The following TWIST2 variants were observed in gnomAD, a reference collection of about 807,000 sequenced individuals.
The protein encoded by TWIST2 is twist-related protein 2.
TWIST2 carries 1 observed loss-of-function variant against 11.6 expected under a neutral mutation model. That is an observed-to-expected ratio of 0.09 (90% CI 0.03 to 0.41). TWIST2 has a LOEUF of 0.41. Among genes scored for constraint, TWIST2 ranks in the 10% least tolerant of loss-of-function variants. TWIST2 has a pLI of 0.98. For missense variants in TWIST2, 168 were observed against 226.4 expected (o/e 0.74, Z 1.66); for synonymous variants, 87 against 96.6 (o/e 0.90, Z 0.58).
chr2:238,867,312 A>G lies in TWIST2; in HGVS notation c.*35+18579A>G, dbSNP rs1037972719. Among the ~76,000 whole-genome samples, 7 of 151,076 alleles carry G rather than the reference A, an allele frequency of 4.6e-5. No homozygotes were observed. The highest frequency in any genetic ancestry group is 4.6e-4 in the Admixed American group (7 of 15,140). On this transcript the variant is annotated intron_variant, in intron 1 of 1. Transcript: ENST00000612363. The surrounding 1 kb of genome is among the most constrained non-coding windows in gnomAD (Gnocchi z 4.8). ...CTAGCCTGGAGACATCTTGGGGGAA[A>G]GTGATTCATCTGATCTGGGATGGAA...
chr2:238,848,566 C>T lies in TWIST2; in HGVS notation c.351C>T (p.Leu117=). 1 of 1,584,672 alleles carries T rather than the reference C, an allele frequency of 6.3e-7. No homozygotes were observed. The highest frequency in any genetic ancestry group is 8.6e-7 in the Non-Finnish European group (1 of 1,168,428). ...TGGCCGCCAGGTACATAGACTTCCTCTACCAGGTCCTGCAGAGCGACGAGA... is the reference window on the plus strand; with the variant it reads ...TGGCCGCCAGGTACATAGACTTCCTTTACCAGGTCCTGCAGAGCGACGAGA... The part of the protein sequence containing the change: ...LKLAARYIDF[L]YQVLQSDEMD... The change falls in exon 1 of 2, where the codon CTC becomes CTT. Residue 117 remains leucine, a synonymous_variant. Transcript: ENST00000612363.
chr2:238,894,588 C>A (rs1213501834), intron 1 of TWIST2, among the ~76,000 whole-genome samples: 1 of 152,222 alleles, frequency 6.6e-6, no homozygotes. Context: ...GTCTGTGGCC[C>A]CCCAAACCTT....
intron 1 of TWIST2, among the ~76,000 whole-genome samples, chr2:238,886,270 C>A (rs969720065): frequency 6.6e-6 from 1 of 152,118 alleles, no homozygotes; most frequent in African/African-American, 2.4e-5. Flanking sequence ...GCACCAAAAA[C>A]CCCAGGGCAG....
At chr2:238,869,892 G>A (rs1345934804) in intron 1 of TWIST2, among the ~76,000 whole-genome samples, 4 of 152,144 alleles carry the variant, frequency 2.6e-5, no homozygotes, top group African/African-American at 2.4e-5. Context: ...AGGTTACAGT[G>A]AGCTATGCAC....
intron 1 of TWIST2, among the ~76,000 whole-genome samples, chr2:238,908,518 C>T (rs939026515): frequency 1.3e-5 from 2 of 152,130 alleles, no homozygotes; most frequent in East Asian, 1.9e-4. Flanking sequence ...CCACACACAC[C>T]CACACGAGTG....
chr2:238,884,392 C>T (rs1692994093), intron 1 of TWIST2, among the ~76,000 whole-genome samples: 1 of 152,248 alleles, frequency 6.6e-6, no homozygotes, highest in African/African-American at 2.4e-5. Context: ...AGGGCCGCTT[C>T]CCATGCGAGT....
At chr2:238,905,486 C>T (rs940871893) in intron 1 of TWIST2, among the ~76,000 whole-genome samples, 14 of 152,168 alleles carry the variant, frequency 9.2e-5, no homozygotes, top group African/African-American at 9.7e-5. Context: ...CGGAGGCTCT[C>T]GGTCAAGAAG....
chr2:238,855,593 T>C (rs1264564824), intron 1 of TWIST2, among the ~76,000 whole-genome samples: 1 of 152,210 alleles, frequency 6.6e-6, no homozygotes, highest in Non-Finnish European at 1.5e-5. Context: ...AGCAAGTGTT[T>C]CCTACCGCTT....
chr2:238,856,477 G>A (rs994139319), intron 1 of TWIST2, among the ~76,000 whole-genome samples: 11 of 151,968 alleles, frequency 7.2e-5, no homozygotes, highest in East Asian at 3.9e-4. Context: ...TTCCATGTGC[G>A]TCCCCAGCAA....
intron 1 of TWIST2, among the ~76,000 whole-genome samples, chr2:238,885,298 C>T (rs561675117): frequency 1.3e-5 from 2 of 152,348 alleles, no homozygotes; most frequent in African/African-American, 4.8e-5. Context: ...CCACACAGTA[C>T]CTGGCCAAAG....
rs961306626 is a variant in TWIST2, at chr2:238,848,797, C to T, written c.*35+64C>T. 4.6e-5 allele frequency: 57 copies of T among 1,237,958 alleles called. No homozygotes were observed. The Admixed American group carries it at 2.3e-3, about 49-fold the overall frequency. The allele number at this position is 1,237,958 out of a possible 1,614,324, so 76.7% of individuals were successfully genotyped here. A position where few individuals can be genotyped will look rare whatever the true frequency, so the allele number is the denominator to read the frequency against. ...GGGGCGGGCGGCAGGGGCGCAGGGGCATTGGGGCCTGCTCGTGTCTCCTCG... is the reference window on the plus strand; with the variant it reads ...GGGGCGGGCGGCAGGGGCGCAGGGGTATTGGGGCCTGCTCGTGTCTCCTCG... On this transcript the variant is annotated intron_variant, in intron 1 of 1. Coordinates refer to ENST00000612363, the MANE Select transcript of TWIST2 (RefSeq NM_001271893.4).
intron 1 of TWIST2, among the ~76,000 whole-genome samples, chr2:238,885,092 A>G (rs982124170): frequency 6.6e-6 from 1 of 152,206 alleles, no homozygotes; most frequent in African/African-American, 2.4e-5. Context: ...CATGCCTCTC[A>G]GCCCTCAGTG....
In TWIST2 at chr2:238,895,022, G is replaced by A. The variant is rs1056557007; in HGVS notation, c.*36-14820G>A. 3.7e-4 allele frequency among the ~76,000 whole-genome samples: 57 copies of A among 152,280 alleles called. No homozygotes were observed. The East Asian group carries it at 8.5e-3, about 23-fold the overall frequency. On this transcript the variant is annotated intron_variant, in intron 1 of 1. Coordinates refer to ENST00000612363, the MANE Select transcript of TWIST2 (RefSeq NM_001271893.4). ...TGTCTCCCCATATGAACTGTGAGCT[G>A]GCTGAGGCACGTGCCTGCGTCAGGC...
chr2:238,907,321 T>C (rs1693369197), intron 1 of TWIST2, among the ~76,000 whole-genome samples: 1 of 152,166 alleles, frequency 6.6e-6, no homozygotes, highest in African/African-American at 2.4e-5. Context: ...CGGCCACCTC[T>C]CAGCACCTTC....
intron 1 of TWIST2, among the ~76,000 whole-genome samples, chr2:238,900,444 C>T (rs1406597142): frequency 6.6e-6 from 1 of 152,218 alleles, no homozygotes; most frequent in Non-Finnish European, 1.5e-5. Flanking sequence ...TTTCCTTCTC[C>T]CCAACATTCT....
chr2:238,857,000 G>T (rs1169026142), intron 1 of TWIST2, among the ~76,000 whole-genome samples: 1 of 152,188 alleles, frequency 6.6e-6, no homozygotes, highest in African/African-American at 2.4e-5. Context: ...TGAGGGGCCT[G>T]TGACAATCGC....
At chr2:238,909,468 C>T (rs1437861872) in intron 1 of TWIST2, among the ~76,000 whole-genome samples, 4 of 152,174 alleles carry the variant, frequency 2.6e-5, no homozygotes, top group Non-Finnish European at 5.9e-5. Flanking sequence ...TGCCGAGCCT[C>T]TCTTGTCCCC....
At chr2:238,903,322 T>C (rs1166779626) in intron 1 of TWIST2, among the ~76,000 whole-genome samples, 2 of 146,554 alleles carry the variant, frequency 1.4e-5, no homozygotes, top group Non-Finnish European at 3.0e-5. Context: ...ATATAGTGTG[T>C]GTGATGTGAG....
intron 1 of TWIST2, among the ~76,000 whole-genome samples, chr2:238,889,718 C>T (rs1433034644): frequency 6.6e-6 from 1 of 152,222 alleles, no homozygotes; most frequent in Non-Finnish European, 1.5e-5. Flanking sequence ...GGATTCCACC[C>T]CTCACAGGCT....
Sources: allele counts gnomAD v4.1 joint callset (sites outside exome capture counted in the v4.1 genomes callset), GRCh38; gene constraint gnomAD v4.1.1; non-coding constraint Gnocchi (gnomAD v3.1); transcripts MANE v1.5; gene names NCBI Gene and HGNC (gene_info 2026-07-23, HGNC 2026-07-21).